Variants in SLC30A9 observed in about 807,000 individuals in gnomAD.
SLC30A9 encodes solute carrier family 30 member 9.
SLC30A9 carries 58 observed loss-of-function variants against 87.5 expected under a neutral mutation model. The ratio of observed to expected loss-of-function variants is 0.66; its 90% CI spans 0.54 to 0.82. SLC30A9 has a LOEUF of 0.82. Among genes scored for constraint, SLC30A9 ranks in the 40% least tolerant of loss-of-function variants. SLC30A9 has a pLI of 0.00. For synonymous variants in SLC30A9, 234 were observed against 233.0 expected (o/e 1.00, Z -0.04); for missense variants, 557 against 679.1 (o/e 0.82, Z 2.00).
At chr4:42,040,069 T>G (rs1716856421) in intron 8 of SLC30A9, among the ~76,000 whole-genome samples, 1 of 152,198 alleles carries the variant, frequency 6.6e-6, no homozygotes, top group African/African-American at 2.4e-5. Context: ...CAGTTTCAAC[T>G]TCTTAGAAGG....
chr4:42,064,989 A>G (rs958521814), intron 11 of SLC30A9, among the ~76,000 whole-genome samples: 1 of 152,176 alleles, frequency 6.6e-6, no homozygotes, highest in Non-Finnish European at 1.5e-5. Flanking sequence ...TGGTATTACC[A>G]AAAAACAAAC....
At chr4:42,071,164 T>C (rs1250778354) in intron 15 of SLC30A9, among the ~76,000 whole-genome samples, 1 of 152,106 alleles carries the variant, frequency 6.6e-6, no homozygotes, top group Admixed American at 6.5e-5. Context: ...TCTTTATCTT[T>C]TAAATTATGT....
intron 2 of SLC30A9, among the ~76,000 whole-genome samples, chr4:42,005,727 T>C (rs1229006086): frequency 6.6e-6 from 1 of 152,232 alleles, no homozygotes; most frequent in African/African-American, 2.4e-5. Context: ...TCGTATCATT[T>C]TTTGCTAGAC....
intron 6 of SLC30A9, among the ~76,000 whole-genome samples, chr4:42,031,076 C>T (rs544989717): frequency 6.6e-6 from 1 of 151,900 alleles, no homozygotes; most frequent in African/African-American, 2.4e-5. Context: ...TGAAATAAAC[C>T]ACAGTCACTT....
chr4:42,032,564 G>A (rs376040371), intron 6 of SLC30A9, among the ~76,000 whole-genome samples: 25 of 152,248 alleles, frequency 1.6e-4, no homozygotes, highest in African/African-American at 5.3e-4. Context: ...GACAATTATG[G>A]TCAATAACCC....
rs1411160725 is a variant in SLC30A9, at chr4:42,001,785, G to A, written c.274+5G>A. ...AAGTACCATCATTTGAAACAGGTAT[G>A]TGTAATTTTTTTAATGTACTTTTTT... On this transcript the variant is annotated splice_donor_5th_base_variant and intron_variant, in intron 2 of 17. Coordinates refer to ENST00000264451, the MANE Select transcript of SLC30A9 (RefSeq NM_006345.4). 6.3e-7 allele frequency: 1 copy of A among 1,593,690 alleles called. No individual in the cohort carries two copies. The highest frequency in any genetic ancestry group is 1.8e-5 in the Admixed American group (1 of 55,312).
chr4:42,048,126 A>G (rs1331569789), intron 8 of SLC30A9, among the ~76,000 whole-genome samples: 2 of 152,210 alleles, frequency 1.3e-5, no homozygotes, highest in Non-Finnish European at 2.9e-5. Flanking sequence ...TACCTAATGT[A>G]GATGACGGGT....
At chr4:41,996,869 G>A (rs1714736692) in intron 1 of SLC30A9, among the ~76,000 whole-genome samples, 1 of 151,798 alleles carries the variant, frequency 6.6e-6, no homozygotes, top group East Asian at 1.9e-4. Context: ...CCACATCTCT[G>A]CTAAAAATAC....
intron 1 of SLC30A9, among the ~76,000 whole-genome samples, chr4:42,000,619 C>G (rs1376756615): frequency 1.3e-5 from 2 of 151,954 alleles, no homozygotes; most frequent in Non-Finnish European, 2.9e-5. Flanking sequence ...CCTTTGTGCT[C>G]TTCATATTAT....
At chr4:42,042,638 G>T (rs964652306) in intron 8 of SLC30A9, among the ~76,000 whole-genome samples, 1 of 152,186 alleles carries the variant, frequency 6.6e-6, no homozygotes, top group African/African-American at 2.4e-5. Flanking sequence ...AGGGGCGGCT[G>T]TGGGCGCAGC....
intron 8 of SLC30A9, among the ~76,000 whole-genome samples, chr4:42,047,583 A>T (rs1717216445): frequency 2.0e-5 from 3 of 152,212 alleles, no homozygotes; most frequent in Admixed American, 2.0e-4. Context: ...GAAACAGCAG[A>T]TGCTGGAGAG....
At chr4:42,058,039 TTACA>T (rs1379670778) in intron 9 of SLC30A9, among the ~76,000 whole-genome samples, 2 of 148,776 alleles carry the variant, frequency 1.3e-5, no homozygotes, top group East Asian at 4.0e-4. Flanking sequence ...GAAGCAGAGG[TTACA>T]GTAAGCCAAG....
chr4:42,029,584 GA>G (rs1408153555), intron 6 of SLC30A9: 7 of 698,744 alleles, frequency 1.0e-5, no homozygotes, highest in Non-Finnish European at 1.8e-5. Context: ...CATGATTTTT[GA>G]AAATTGTGAC....
In SLC30A9 at chr4:41,990,771, C is replaced by T. The variant is rs1172204152; in HGVS notation, c.109+11C>T. 2 of 1,593,174 alleles carry T rather than the reference C, an allele frequency of 1.3e-6. No individual in the cohort carries two copies. Among genetic ancestry groups the T allele is most frequent in the Non-Finnish European group, 8.6e-7 (1 of 1,166,060 alleles). On this transcript the variant is annotated intron_variant, in intron 1 of 17. Transcript: ENST00000264451. ...CCAGCGACCGCCAGGGTGAGTGTCC[C>T]GCGCTGGCCGCTGGCTCCGTAGAAG...
At chr4:42,048,387 GT>G (rs1717254773) in intron 8 of SLC30A9, among the ~76,000 whole-genome samples, 1 of 152,108 alleles carries the variant, frequency 6.6e-6, no homozygotes, top group Non-Finnish European at 1.5e-5. Context: ...TAAATATGAT[GT>G]TTTTAAGAAG....
At chr4:42,060,067 A>G (rs1192766683) in intron 9 of SLC30A9, 124 bp from the exon 10 acceptor site, 8 of 652,840 alleles carry the variant, frequency 1.2e-5, no homozygotes, top group Non-Finnish European at 2.2e-5. Flanking sequence ...TTGCTGGGTC[A>G]TTGGACATGC....
intron 2 of SLC30A9, among the ~76,000 whole-genome samples, chr4:42,007,015 TA>T (rs1317523950): frequency 2.0e-5 from 3 of 152,044 alleles, no homozygotes; most frequent in African/African-American, 7.2e-5. Context: ...TTAATACAAG[TA>T]GGGGAGGTAC....
rs578170370 is a variant in SLC30A9 at position 41,990,537 on chromosome 4, T to C, written c.-115T>C. 3.8e-5 allele frequency: 23 copies of C among 599,752 alleles called. No individual in the cohort carries two copies. The highest frequency in any genetic ancestry group is 2.0e-4 in the Admixed American group (6 of 29,660). The allele number at this position is 599,752 out of a possible 1,614,324, so 37.2% of individuals were successfully genotyped here. A position where few individuals can be genotyped will look rare whatever the true frequency, so the allele number is the denominator to read the frequency against. Reference sequence around the variant, plus strand: ...GCCGTTTCCGGGTCACCCAGGCAGCTTGTGGCGGCGAAGCCATCGGTGTTC... The same window carrying C: ...GCCGTTTCCGGGTCACCCAGGCAGCCTGTGGCGGCGAAGCCATCGGTGTTC... On this transcript the variant is annotated 5_prime_UTR_variant, in exon 1 of 18. Transcript: ENST00000264451.
intron 9 of SLC30A9, among the ~76,000 whole-genome samples, chr4:42,056,552 C>A (rs1269427707): frequency 1.3e-5 from 2 of 152,122 alleles, no homozygotes; most frequent in African/African-American, 4.8e-5. Flanking sequence ...CCACTAGGTC[C>A]CTCCCACAAC....
Sources: allele counts gnomAD v4.1 joint callset (sites outside exome capture counted in the v4.1 genomes callset), GRCh38; gene constraint gnomAD v4.1.1; transcripts MANE v1.5; gene names NCBI Gene and HGNC (gene_info 2026-07-23, HGNC 2026-07-21).